Variants in PCDH9 observed in about 807,000 individuals in gnomAD.
The protein encoded by PCDH9 is protocadherin 9.
PCDH9 carries 24 observed loss-of-function variants against 70.6 expected under a neutral mutation model. The observed-to-expected ratio is 0.34, with a 90% CI of 0.25 to 0.48. The LOEUF (loss-of-function observed/expected upper bound fraction) is 0.48. Among genes scored for constraint, PCDH9 ranks in the 20% least tolerant of loss-of-function variants. PCDH9 has a pLI of 0.99. For missense variants in PCDH9, 1,281 were observed against 1,503.6 expected, an observed-to-expected ratio of 0.85 and a Z score of 2.45; for synonymous variants, 562 against 558.5, an observed-to-expected ratio of 1.01 and a Z score of -0.09.
At chr13:66,928,471 A>G (rs9571693) in intron 2 of PCDH9, among the ~76,000 whole-genome samples, 26,645 of 152,050 alleles carry the variant, frequency 0.18, 2,731 homozygotes, top group East Asian at 0.35. Flanking sequence ...AATCATCTAA[A>G]ACCATATTAC....
chr13:67,085,029 T>C (rs1359773849), intron 2 of PCDH9, among the ~76,000 whole-genome samples: 1 of 137,020 alleles, frequency 7.3e-6, no homozygotes, highest in Non-Finnish European at 1.6e-5. Flanking sequence ...TATATGTATA[T>C]GTTGCCATTT....
At chr13:67,093,182 C>T (rs368771069) in intron 2 of PCDH9, among the ~76,000 whole-genome samples, 3 of 152,070 alleles carry the variant, frequency 2.0e-5, no homozygotes, top group Admixed American at 6.6e-5. Context: ...AGATCAGGTG[C>T]CGTGGCTCAT....
chr13:66,539,665 T>G (rs1960860555), intron 4 of PCDH9, among the ~76,000 whole-genome samples: 1 of 151,890 alleles, frequency 6.6e-6, no homozygotes, highest in Non-Finnish European at 1.5e-5. Flanking sequence ...GAGTATTGGG[T>G]TTTTTTGTTT....
intron 3 of PCDH9, among the ~76,000 whole-genome samples, chr13:66,807,358 C>A (rs1173018185): frequency 6.6e-6 from 1 of 152,112 alleles, no homozygotes; most frequent in East Asian, 1.9e-4. Context: ...CACTATTATA[C>A]TATTTTTCAA....
chr13:66,518,281 T>G (rs1008779694), intron 4 of PCDH9, among the ~76,000 whole-genome samples: 7 of 152,108 alleles, frequency 4.6e-5, no homozygotes, highest in Admixed American at 6.6e-5. Flanking sequence ...AAGCCATTCA[T>G]GAAGGATCCG....
chr13:67,000,390 G>C (rs1446856258), intron 2 of PCDH9, among the ~76,000 whole-genome samples: 2 of 150,246 alleles, frequency 1.3e-5, no homozygotes, highest in African/African-American at 4.9e-5. Context: ...TAAATGACGA[G>C]TTAATGGGTG....
chr13:66,654,888 T>C (rs1380200107), intron 3 of PCDH9, among the ~76,000 whole-genome samples: 1 of 151,792 alleles, frequency 6.6e-6, no homozygotes, highest in African/African-American at 2.4e-5. Context: ...TTTGTTTTTG[T>C]TTTTGTTTTT....
At chr13:67,006,244 A>AAACC (rs2139831321) in intron 2 of PCDH9, among the ~76,000 whole-genome samples, 1 of 152,212 alleles carries the variant, frequency 6.6e-6, no homozygotes, top group African/African-American at 2.4e-5. Context: ...ACAAACAAAC[A>AAACC]AAAAAATTGG....
At chr13:66,839,394 C>G (rs1298649860) in intron 3 of PCDH9, among the ~76,000 whole-genome samples, 1 of 152,108 alleles carries the variant, frequency 6.6e-6, no homozygotes, top group East Asian at 1.9e-4. Context: ...TTACTAATGG[C>G]AAAGCATTTC....
intron 2 of PCDH9, among the ~76,000 whole-genome samples, chr13:67,009,792 T>A (rs2084419896): frequency 6.6e-6 from 1 of 152,044 alleles, no homozygotes; most frequent in Admixed American, 6.6e-5. Context: ...TAGTTAAGTT[T>A]TTTTTTGCTT....
intron 4 of PCDH9, among the ~76,000 whole-genome samples, chr13:66,367,271 G>A (rs1461156393): frequency 1.3e-5 from 2 of 151,992 alleles, no homozygotes. Flanking sequence ...AACTAATAGG[G>A]AGAGTCATTT....
chr13:66,608,969 C>T (rs2077256720), intron 4 of PCDH9, among the ~76,000 whole-genome samples: 1 of 152,176 alleles, frequency 6.6e-6, no homozygotes, highest in African/African-American at 2.4e-5. Context: ...GTCTCCTTTA[C>T]TGTCTCATTT....
intron 3 of PCDH9, among the ~76,000 whole-genome samples, chr13:66,878,077 A>T (rs1030321984): frequency 4.6e-5 from 7 of 152,214 alleles, no homozygotes; most frequent in Non-Finnish European, 1.0e-4. Context: ...ATAGTGAAAG[A>T]TACAAAAATA....
chr13:66,751,044 T>C (rs2079449468), intron 3 of PCDH9, among the ~76,000 whole-genome samples: 1 of 152,148 alleles, frequency 6.6e-6, no homozygotes, highest in East Asian at 1.9e-4. Context: ...AACAATTGAC[T>C]TCGACATTCT....
chr13:66,792,540 A>C (rs1459693041), intron 3 of PCDH9, among the ~76,000 whole-genome samples: 1 of 152,068 alleles, frequency 6.6e-6, no homozygotes, highest in African/African-American at 2.4e-5. Flanking sequence ...TTGGTGGCGC[A>C]TGCCTGTAAT....
intron 3 of PCDH9, among the ~76,000 whole-genome samples, chr13:66,794,125 A>G (rs1366640139): frequency 3.3e-5 from 5 of 152,170 alleles, no homozygotes; most frequent in African/African-American, 1.2e-4. Flanking sequence ...TTGTCTTAGA[A>G]ACAAGAAAGA....
chr13:66,393,488 A>G (rs1957053133), intron 4 of PCDH9, among the ~76,000 whole-genome samples: 1 of 152,208 alleles, frequency 6.6e-6, no homozygotes, highest in Non-Finnish European at 1.5e-5. Flanking sequence ...AACACTGAAC[A>G]TAATGCAATG....
chr13:66,459,340 A>T (rs1958376753), intron 4 of PCDH9, among the ~76,000 whole-genome samples: 1 of 152,036 alleles, frequency 6.6e-6, no homozygotes, highest in African/African-American at 2.4e-5. Flanking sequence ...AGAGGAATGT[A>T]GCATTGTCAG....
intron 3 of PCDH9, among the ~76,000 whole-genome samples, chr13:66,898,540 A>G (rs1265017680): frequency 6.6e-6 from 1 of 152,048 alleles, no homozygotes; most frequent in East Asian, 1.9e-4. Context: ...GTACATAATT[A>G]TGTAAATATA....
Sources: allele counts gnomAD v4.1 joint callset (sites outside exome capture counted in the v4.1 genomes callset), GRCh38; gene constraint gnomAD v4.1.1; transcripts MANE v1.5; gene names NCBI Gene and HGNC (gene_info 2026-07-23, HGNC 2026-07-21).